EHMT1: variants seen among roughly 807,000 people sequenced by gnomAD.
EHMT1 encodes the protein histone-lysine N-methyltransferase EHMT1.
EHMT1 carries 15 observed loss-of-function variants against 147.2 expected under a neutral mutation model. The ratio of observed to expected loss-of-function variants is 0.10; its 90% CI spans 0.07 to 0.16. EHMT1 has a LOEUF of 0.16. EHMT1 is among the 10% of genes least tolerant of loss of function. EHMT1 has a pLI of 1.00. For missense variants in EHMT1, 1,587 were observed against 1,772.4 expected, an observed-to-expected ratio of 0.90 and a Z score of 1.88; for synonymous variants, 795 against 709.6, an observed-to-expected ratio of 1.12 and a Z score of -1.91.
intron 25 of EHMT1, among the ~76,000 whole-genome samples, chr9:137,827,494 G>C (rs545065199): frequency 5.3e-5 from 8 of 152,338 alleles, no homozygotes; most frequent in African/African-American, 1.7e-4. Context: ...ATCTCTGGGT[G>C]CCAGGAAGCT....
At chr9:137,831,187 C>CG (rs1319911807) in intron 25 of EHMT1, among the ~76,000 whole-genome samples, 2 of 152,134 alleles carry the variant, frequency 1.3e-5, no homozygotes, top group Non-Finnish European at 2.9e-5. Flanking sequence ...TGAGTCTGGT[C>CG]GGGGGGCACA....
rs1956465059 is a variant in EHMT1 at position 137,834,543 on chromosome 9, C to G, written c.3716+19C>G. 8 of 1,608,776 alleles carry G rather than the reference C, an allele frequency of 5.0e-6. No homozygotes were observed. Among genetic ancestry groups the G allele is most frequent in the Non-Finnish European group, 5.1e-6 (6 of 1,179,316 alleles). On this transcript the variant is annotated intron_variant, in intron 26 of 26. Coordinates refer to ENST00000460843, the MANE Select transcript of EHMT1 (RefSeq NM_024757.5). ...AGCTCGGGTACGCACCGCCCCGGCCCCTGGCCATCTCCGCTGCCGGCGGGA... is the reference window on the plus strand; with the variant it reads ...AGCTCGGGTACGCACCGCCCCGGCCGCTGGCCATCTCCGCTGCCGGCGGGA...
At chr9:137,832,531 T>TAA in intron 25 of EHMT1, 1 of 110,146 alleles carries the variant, frequency 9.1e-6, no homozygotes. Flanking sequence ...CCGCAGGCCC[T>TAA]CCCCCCACCC....
intron 1 of EHMT1, among the ~76,000 whole-genome samples, chr9:137,628,196 T>G (rs969678447): frequency 6.6e-6 from 1 of 152,228 alleles, no homozygotes; most frequent in African/African-American, 2.4e-5. Flanking sequence ...GGGGTCAGTC[T>G]GCCAGCTGCT....
At chr9:137,678,187 T>A (rs1415585489) in intron 1 of EHMT1, among the ~76,000 whole-genome samples, 1 of 152,166 alleles carries the variant, frequency 6.6e-6, no homozygotes, top group Non-Finnish European at 1.5e-5. Flanking sequence ...TATACTAAGA[T>A]GTTTACTGTT....
chr9:137,817,124 C>T (rs1954980330), intron 23 of EHMT1: 2 of 440,596 alleles, frequency 4.5e-6, no homozygotes, highest in South Asian at 2.1e-5. Flanking sequence ...AGTATTAGCA[C>T]CTCTGCCCCT....
rs972577906 is a variant in EHMT1, at chr9:137,648,945, G to C, written c.21+29896G>C. 2.0e-5 allele frequency among the ~76,000 whole-genome samples: 3 copies of C among 152,144 alleles called. No homozygotes were observed. In the South Asian group the frequency reaches 6.2e-4, roughly 32 times the overall value. ...AGTCACCCTTTAGCTGGTCTTCCTA[G>C]TTTTTCTGCTTATGAGCTGTACCAT... is the stretch of plus-strand genomic sequence containing the variant. On this transcript the variant is annotated intron_variant, in intron 1 of 26. Transcript: ENST00000460843.
chr9:137,732,412 G>T lies in EHMT1; in HGVS notation c.823+3883G>T, dbSNP rs1947188195. On this transcript the variant is annotated intron_variant, in intron 4 of 26. Coordinates refer to ENST00000460843, the MANE Select transcript of EHMT1 (RefSeq NM_024757.5). The surrounding 1 kb of genome is among the most constrained non-coding windows in gnomAD (Gnocchi z 4.6). The stretch of plus-strand genomic sequence containing the variant: ...GAATGAGGTTACATGGACAACTGGA[G>T]GGGAGCAAGGTGGAGAAGAGTTTTA... 6.6e-6 allele frequency among the ~76,000 whole-genome samples: 1 copy of T among 152,254 alleles called. No individual in the cohort carries two copies. Among genetic ancestry groups the T allele is most frequent in the African/African-American group, 2.4e-5 (1 of 41,470 alleles).
chr9:137,821,177 C>T (rs925477440), intron 25 of EHMT1, among the ~76,000 whole-genome samples: 4 of 151,192 alleles, frequency 2.6e-5, no homozygotes, highest in African/African-American at 7.3e-5. Context: ...TGCCTGGCTG[C>T]GCCCAGCTAA....
intron 8 of EHMT1, among the ~76,000 whole-genome samples, chr9:137,757,601 T>G (rs962964907): frequency 6.6e-6 from 1 of 152,246 alleles, no homozygotes; most frequent in Admixed American, 6.5e-5. Flanking sequence ...CAGAGAAAGA[T>G]GTGCTGACAT....
At chr9:137,683,309 G>A (rs1942139292) in intron 1 of EHMT1, among the ~76,000 whole-genome samples, 1 of 152,200 alleles carries the variant, frequency 6.6e-6, no homozygotes. Flanking sequence ...CTACGATAAG[G>A]CTAAATAGCA....
intron 1 of EHMT1, among the ~76,000 whole-genome samples, chr9:137,689,335 T>G (rs1425277373): frequency 2.6e-5 from 4 of 152,192 alleles, no homozygotes; most frequent in Non-Finnish European, 5.9e-5. Flanking sequence ...CTGTGTGCTA[T>G]TGTTTTTGTG....
At chr9:137,814,187 C>A (rs745535324) in intron 21 of EHMT1, 1 of 602,996 alleles carries the variant, frequency 1.7e-6, no homozygotes, top group Non-Finnish European at 3.0e-6. Context: ...CCCACTGCCG[C>A]GTCGCTGCCC....
At chr9:137,640,135 G>A (rs982265981) in intron 1 of EHMT1, among the ~76,000 whole-genome samples, 20 of 152,106 alleles carry the variant, frequency 1.3e-4, no homozygotes, top group Admixed American at 1.2e-3. Flanking sequence ...GGGTTTCGCT[G>A]TGTTGGCCAG....
At chr9:137,803,837 TA>T (rs773946581) in intron 18 of EHMT1, among the ~76,000 whole-genome samples, 3,857 of 126,778 alleles carry the variant, frequency 0.03, 50 homozygotes, top group African/African-American at 0.047. Context: ...TCTCAAAAAT[TA>T]AAAAAAAAAA....
intron 6 of EHMT1, chr9:137,746,471 CT>C (rs1179399289): frequency 6.6e-6 from 1 of 152,220 alleles, no homozygotes; most frequent in Admixed American, 6.5e-5. Context: ...TAATCAATTT[CT>C]TTATGATTTC....
At chr9:137,816,216 C>A in intron 23 of EHMT1, 154 bp downstream of exon 23, 2 of 715,870 alleles carry the variant, frequency 2.8e-6, no homozygotes, top group East Asian at 2.7e-5. Context: ...GCCCTTTATC[C>A]TCTAGAAATG....
At chr9:137,730,413 G>T (rs1218505957) in intron 4 of EHMT1, among the ~76,000 whole-genome samples, 2 of 151,674 alleles carry the variant, frequency 1.3e-5, no homozygotes, top group Non-Finnish European at 2.9e-5. Flanking sequence ...TCACTTTCCT[G>T]TCCGTCCACA....
chr9:137,725,337 C>T (rs1351671576), intron 3 of EHMT1, among the ~76,000 whole-genome samples: 2 of 152,154 alleles, frequency 1.3e-5, no homozygotes, highest in East Asian at 1.9e-4. Flanking sequence ...TTCAGTGTTC[C>T]GTGTGTGAGG....
Sources: gnomAD v4.1 joint callset for allele counts (sites outside exome capture counted in the v4.1 genomes callset) on GRCh38, gnomAD v4.1.1 for gene constraint, Gnocchi (gnomAD v3.1) non-coding constraint, MANE v1.5 for transcripts, NCBI Gene and HGNC (gene_info 2026-07-23, HGNC 2026-07-21) for gene names.